Variants in NET1 observed in about 807,000 individuals in gnomAD.
NET1 encodes the protein neuroepithelial cell-transforming gene 1 protein.
Under a neutral mutation model 61.1 loss-of-function variants are expected in NET1, and 42 were observed. The ratio of observed to expected loss-of-function variants is 0.69; its 90% CI spans 0.54 to 0.89. The LOEUF (loss-of-function observed/expected upper bound fraction) is 0.89. NET1 is among the 40% of genes least tolerant of loss of function. The pLI is 0.00. For missense variants in NET1, 654 were observed against 747.3 expected (o/e 0.88, Z 1.46); for synonymous variants, 254 against 281.8 (o/e 0.90, Z 0.99).
rs763392948 is a variant in NET1 at position 5,446,926 on chromosome 10, TA to T, written c.256-4902del. The T allele has an allele frequency of 6.0e-4, 785 of 1,314,432 alleles. 1 individual carries two copies. Among genetic ancestry groups the T allele is most frequent in the Non-Finnish European group, 7.7e-4 (722 of 934,450 alleles). 81.4% of individuals were successfully genotyped at this position (1,314,432 alleles called of 1,614,324 possible). A position where few individuals can be genotyped will look rare whatever the true frequency, so the allele number is the denominator to read the frequency against. On this transcript the variant is annotated intron_variant, in intron 3 of 11. Transcript: ENST00000355029. This position sits in a 1 kb window ranked among gnomAD's most constrained non-coding sequence, Gnocchi z 5.0. ...AACTCCACGGAGCTTTTAAAATTTT[TA>T]ACAAGGTATTAACAGTATAATTTTA...
At chr10:5,429,014 G>T (rs968860075) in intron 2 of NET1, among the ~76,000 whole-genome samples, 156 bp from the exon 3 acceptor site, 1 of 151,790 alleles carries the variant, frequency 6.6e-6, no homozygotes, top group Non-Finnish European at 1.5e-5. Context: ...AATTACAGAC[G>T]TGAGCCACCG....
chr10:5,430,376 C>CTTTTT (rs34200273), intron 3 of NET1, among the ~76,000 whole-genome samples: 2 of 139,870 alleles, frequency 1.4e-5, no homozygotes, highest in Non-Finnish European at 3.1e-5. Context: ...TAGATAAAAA[C>CTTTTT]TTTTTTTTTT....
chr10:5,429,872 G>C (rs1468757962), intron 3 of NET1, among the ~76,000 whole-genome samples: 1 of 146,156 alleles, frequency 6.8e-6, no homozygotes, highest in African/African-American at 2.4e-5. Flanking sequence ...GTTTTGGAGA[G>C]TCTTTTTTTA....
In NET1 at chr10:5,420,880, C is replaced by T. The variant is rs914473322; in HGVS notation, c.129-5775C>T. Among the ~76,000 whole-genome samples the T allele has an allele frequency of 2.6e-5, 4 of 152,124 alleles. No individual in the cohort carries two copies. Among genetic ancestry groups the T allele is most frequent in the Non-Finnish European group, 5.9e-5 (4 of 68,006 alleles). Reference sequence around the variant, plus strand: ...AAGTGCTGGGATTACAAGTATGAGTCACTGTGCCCGGCCAGCAAGGGTCTT... The same window carrying T: ...AAGTGCTGGGATTACAAGTATGAGTTACTGTGCCCGGCCAGCAAGGGTCTT... On this transcript the variant is annotated intron_variant, in intron 1 of 11. Transcript: ENST00000355029. This position sits in a 1 kb window ranked among gnomAD's most constrained non-coding sequence, Gnocchi z 5.3.
rs142907222 is a variant in NET1, at chr10:5,423,629, C to A, written c.129-3026C>A. Among the ~76,000 whole-genome samples, 425 of 152,214 alleles carry A rather than the reference C, an allele frequency of 2.8e-3. 1 individual carries two copies. The highest frequency in any genetic ancestry group is 9.8e-3 in the African/African-American group (406 of 41,554). On this transcript the variant is annotated intron_variant, in intron 1 of 11. Coordinates refer to ENST00000355029, the MANE Select transcript of NET1 (RefSeq NM_001047160.3). The surrounding 1 kb of genome is among the most constrained non-coding windows in gnomAD (Gnocchi z 4.4). ...TACATTGGATATATGGACAAAAATT[C>A]TTGAAAAGGTGGACTGCCACTTTTC...
rs1252582870 is a variant in NET1 at position 5,412,813 on chromosome 10, G to T, written c.121G>T (p.Asp41Tyr). ...PSADTSGSEL[D>Y]GRCSLRRGSS... ...GGCCGACACCTCCGGGTCGGAGCTG[G>T]ACGGGAGGTGAGTGTGGGGGAGGGG... The change falls in exon 1 of 12, where the codon GAC becomes TAC. Residue 41 changes from aspartate to tyrosine, a missense_variant. Asp to Tyr is a radical substitution (Grantham distance 160). Transcript: ENST00000355029. The surrounding 1 kb of genome is among the most constrained non-coding windows in gnomAD (Gnocchi z 6.5). 2 of 1,429,304 alleles carry T rather than the reference G, an allele frequency of 1.4e-6. No individual in the cohort carries two copies. Among genetic ancestry groups the T allele is most frequent in the East Asian group, 6.0e-5 (2 of 33,562 alleles). 88.5% of individuals were successfully genotyped at this position (1,429,304 alleles called of 1,614,324 possible).
chr10:5,436,707 C>T (rs1043449798), intron 3 of NET1, among the ~76,000 whole-genome samples: 1 of 151,792 alleles, frequency 6.6e-6, no homozygotes, highest in Admixed American at 6.6e-5. Flanking sequence ...TTCCAAATAC[C>T]ACTTTTGAGA....
In NET1 at chr10:5,422,714, G is replaced by GA. The variant is rs968030626; in HGVS notation, c.129-3937dup. The stretch of plus-strand genomic sequence containing the variant: ...TTAGTTGAGACTCTCATGCAGATGA[G>GA]AAAACCCTAGTATGATAGGAGACAT... On this transcript the variant is annotated intron_variant, in intron 1 of 11. Transcript: ENST00000355029. The surrounding 1 kb of genome is among the most constrained non-coding windows in gnomAD (Gnocchi z 4.1). Among the ~76,000 whole-genome samples, 89 of 152,278 alleles carry GA rather than the reference G, an allele frequency of 5.8e-4. No homozygotes were observed. The highest frequency in any genetic ancestry group is 2.0e-3 in the African/African-American group (83 of 41,550).
rs1204402082 is a variant in NET1 at position 5,415,130 on chromosome 10, G to C, written c.128+2310G>C. Among the ~76,000 whole-genome samples, 4 of 152,182 alleles carry C rather than the reference G, an allele frequency of 2.6e-5. No homozygotes were observed. The highest frequency in any genetic ancestry group is 5.9e-5 in the Non-Finnish European group (4 of 68,036). On this transcript the variant is annotated intron_variant, in intron 1 of 11. Coordinates refer to ENST00000355029, the MANE Select transcript of NET1 (RefSeq NM_001047160.3). This position sits in a 1 kb window ranked among gnomAD's most constrained non-coding sequence, Gnocchi z 4.7. ...GCAACTAAGCACTGTATCAGATTCA[G>C]AAATCATAAGGAAAAAGATTTGTGT...
At chr10:5,429,506 C>T (rs980850369) in intron 3 of NET1, among the ~76,000 whole-genome samples, 3 of 152,004 alleles carry the variant, frequency 2.0e-5, no homozygotes, top group African/African-American at 4.8e-5. Context: ...GTAATCTGTG[C>T]GAAGGAACGA....
rs1313193392 is a variant in NET1 at position 5,421,126 on chromosome 10, C to G, written c.129-5529C>G. Among the ~76,000 whole-genome samples, 1 of 152,196 alleles carries G rather than the reference C, an allele frequency of 6.6e-6. No individual in the cohort carries two copies. The highest frequency in any genetic ancestry group is 2.4e-5 in the African/African-American group (1 of 41,458). ...AAAGATTTTAGGCATTAAAAGCAGT[C>G]AGACTTCCTAGGTTCAAATTCTGGC... On this transcript the variant is annotated intron_variant, in intron 1 of 11. Transcript: ENST00000355029. The surrounding 1 kb of genome is among the most constrained non-coding windows in gnomAD (Gnocchi z 4.2).
At chr10:5,414,787 C>T (rs1031649534) in intron 1 of NET1, among the ~76,000 whole-genome samples, 3 of 152,174 alleles carry the variant, frequency 2.0e-5, no homozygotes, top group African/African-American at 7.2e-5. Flanking sequence ...CAGAAAAGGA[C>T]AGAATCCAAA....
chr10:5,453,552 G>C lies in NET1; in HGVS notation c.760G>C (p.Val254Leu). 1 of 1,613,944 alleles carries C rather than the reference G, an allele frequency of 6.2e-7. No individual in the cohort carries two copies. Among genetic ancestry groups the C allele is most frequent in the Non-Finnish European group, 8.5e-7 (1 of 1,179,912 alleles). Residue 254 changes from valine to leucine, a missense_variant, in exon 8 of 12, where the codon GTG becomes CTG. Val to Leu is a conservative substitution (Grantham distance 32). Transcript: ENST00000355029. The surrounding 1 kb of genome is among the most constrained non-coding windows in gnomAD (Gnocchi z 4.9). Reference sequence around the variant, plus strand: ...AGTGGAGCAGATTGGTCACATTCTCGTGAGCTGGGTATGTAGTGAGTTGTT... The same window carrying C: ...AGTGGAGCAGATTGGTCACATTCTCCTGAGCTGGGTATGTAGTGAGTTGTT... ...GTVEQIGHIL[V>L]SWLPRLNAYR...
chr10:5,456,919 C>CCAGA lies in NET1; in HGVS notation c.1719_1722dup (p.Gln575AspfsTer32), dbSNP rs1832812333. 6.2e-7 allele frequency: 1 copy of CCAGA among 1,611,500 alleles called. No individual in the cohort carries two copies. Among genetic ancestry groups the CCAGA allele is most frequent in the Admixed American group, 1.7e-5 (1 of 59,478 alleles). ...AGGACAGCAAGAGCTTAAAGACACA[C>CCAGA]CAGACACAGCCCGGCATCCGAAGAG... On this transcript the variant is annotated frameshift_variant, in exon 12 of 12. Transcript: ENST00000355029. LOFTEE classifies it low-confidence loss of function (END_TRUNC). The surrounding 1 kb of genome is among the most constrained non-coding windows in gnomAD (Gnocchi z 7.0).
Position 5,452,681 on chromosome 10 carries a change from G to C in NET1, c.531+156G>C. ...GTGGTCAAATTAAACAACTCTAATA[G>C]GGTAAACTTACCAAACATACGGCAA... On this transcript the variant is annotated intron_variant, in intron 5 of 11. Transcript: ENST00000355029. This position sits in a 1 kb window ranked among gnomAD's most constrained non-coding sequence, Gnocchi z 4.0. 1 of 926,540 alleles carries C rather than the reference G, an allele frequency of 1.1e-6. No homozygotes were observed. Among genetic ancestry groups the C allele is most frequent in the Non-Finnish European group, 1.6e-6 (1 of 618,338 alleles). The allele number at this position is 926,540 out of a possible 1,614,324, so 57.4% of individuals were successfully genotyped here.
At position 5,456,873 on chromosome 10, in the gene NET1, G is replaced by T. The variant is rs761445992; in HGVS notation, c.1670G>T (p.Gly557Val). The change falls in exon 12 of 12, where the codon GGC becomes GTC. Residue 557 changes from glycine (G) to valine (V), a missense_variant. Physicochemically the swap from Gly to Val is moderately radical, Grantham distance 109 (BLOSUM62 -3). Transcript: ENST00000355029. The surrounding 1 kb of genome is among the most constrained non-coding windows in gnomAD (Gnocchi z 7.0). The part of the protein sequence containing the change: ...VEVDENAYRC[G>V]SGMQMAEDSK... ...GTTGATGAAAACGCTTACAGATGTGGCTCTGGCATGCAGATGGCAGAGGAC... is the reference window on the plus strand; with the variant it reads ...GTTGATGAAAACGCTTACAGATGTGTCTCTGGCATGCAGATGGCAGAGGAC... 8.1e-6 allele frequency: 13 copies of T among 1,614,030 alleles called. No homozygotes were observed. The highest frequency in any genetic ancestry group is 3.3e-5 in the South Asian group (3 of 91,064).
Position 5,412,918 on chromosome 10 carries a change from G to C in NET1, c.128+98G>C, listed in dbSNP as rs1832021986. On this transcript the variant is annotated intron_variant, in intron 1 of 11. Transcript: ENST00000355029. This position sits in a 1 kb window ranked among gnomAD's most constrained non-coding sequence, Gnocchi z 6.5. ...GTTGGAGAGGCAAGGGCCGGGGGGA[G>C]GGGAGGGCTGGCCGGGAGTTGGATG... is the stretch of plus-strand genomic sequence containing the variant. 8.7e-7 allele frequency: 1 copy of C among 1,150,874 alleles called. No homozygotes were observed. Among genetic ancestry groups the C allele is most frequent in the Non-Finnish European group, 1.1e-6 (1 of 913,624 alleles). 71.3% of individuals were successfully genotyped at this position (1,150,874 alleles called of 1,614,324 possible). A position where few individuals can be genotyped will look rare whatever the true frequency, so the allele number is the denominator to read the frequency against.
rs1429917139 is a variant in NET1 at position 5,454,488 on chromosome 10, A to G, written c.992A>G (p.Lys331Arg). ...AAAGAAATTCTTAAACACACTCCAAAAGAGCACCCTGATGTTCAGCTTCTG... is the reference window on the plus strand; with the variant it reads ...AAAGAAATTCTTAAACACACTCCAAGAGAGCACCCTGATGTTCAGCTTCTG... ...LLKEILKHTP[K>R]EHPDVQLLED... Residue 331 changes from lysine (K) to arginine (R), a missense_variant, in exon 9 of 12, where the codon AAA becomes AGA. By Grantham distance (26) the Lys-to-Arg change is conservative. Coordinates refer to ENST00000355029, the MANE Select transcript of NET1 (RefSeq NM_001047160.3). This position sits in a 1 kb window ranked among gnomAD's most constrained non-coding sequence, Gnocchi z 8.1. The G allele has an allele frequency of 1.2e-6, 2 of 1,614,108 alleles. No individual in the cohort carries two copies. Among genetic ancestry groups the G allele is most frequent in the South Asian group, 1.1e-5 (1 of 91,078 alleles).
At position 5,431,064 on chromosome 10, in the gene NET1, G is replaced by A. The variant is rs891110531; in HGVS notation, c.255+1835G>A. Among the ~76,000 whole-genome samples the A allele has an allele frequency of 1.3e-5, 2 of 151,418 alleles. No individual in the cohort carries two copies. The highest frequency in any genetic ancestry group is 1.9e-4 in the East Asian group (1 of 5,138). On this transcript the variant is annotated intron_variant, in intron 3 of 11. Coordinates refer to ENST00000355029, the MANE Select transcript of NET1 (RefSeq NM_001047160.3). This position sits in a 1 kb window ranked among gnomAD's most constrained non-coding sequence, Gnocchi z 4.9. ...TTTTTTGTATTTTCAGTAGAGACGG[G>A]GTTTCACCGTGTTAGCCAGGATGGT... is the stretch of plus-strand genomic sequence containing the variant.
Sources: allele counts gnomAD v4.1 joint callset (sites outside exome capture counted in the v4.1 genomes callset), GRCh38; gene constraint gnomAD v4.1.1; non-coding constraint Gnocchi (gnomAD v3.1); transcripts MANE v1.5; gene names NCBI Gene and HGNC (gene_info 2026-07-23, HGNC 2026-07-21).